PLCB1: variants seen among roughly 807,000 people sequenced by gnomAD.
PLCB1 encodes phospholipase C beta 1, also known as 1-phosphatidylinositol 4,5-bisphosphate phosphodiesterase beta-1.
In PLCB1, 46 loss-of-function variants were observed where a neutral mutation model predicts 161.8. The ratio of observed to expected loss-of-function variants is 0.28; its 90% CI spans 0.22 to 0.36. PLCB1 has a LOEUF of 0.36. PLCB1 is among the 10% of genes least tolerant of loss of function. The probability of loss-of-function intolerance (pLI) is 1.00; values close to 1 mark genes in which losing one functional copy is unlikely to be tolerated. For synonymous variants in PLCB1, 517 were observed against 503.7 expected (o/e 1.03, Z -0.35); for missense variants, 1,016 against 1,472.5 (o/e 0.69, Z 5.07).
chr20:8,446,337 G>A (rs1980825009), intron 3 of PLCB1, among the ~76,000 whole-genome samples: 1 of 152,104 alleles, frequency 6.6e-6, no homozygotes, highest in South Asian at 2.1e-4. Context: ...ATGCAGAAAA[G>A]CCCTTTGACA....
At chr20:8,761,983 G>GGGA (rs915541542) in intron 25 of PLCB1, among the ~76,000 whole-genome samples, 2 of 151,598 alleles carry the variant, frequency 1.3e-5, no homozygotes, top group Non-Finnish European at 2.9e-5. Flanking sequence ...CCAAGGGGGG[G>GGGA]GCGGATCACC....
At chr20:8,543,433 G>T (rs1460043301) in intron 3 of PLCB1, among the ~76,000 whole-genome samples, 1 of 152,054 alleles carries the variant, frequency 6.6e-6, no homozygotes, top group East Asian at 1.9e-4. Context: ...GTAGAAAACA[G>T]ATCAGTGGCG....
rs145869401 is a variant in PLCB1, at chr20:8,717,826, C to T, written c.1491C>T (p.Phe497=). 324 of 1,608,882 alleles carry T rather than the reference C, an allele frequency of 2.0e-4. No individual in the cohort carries two copies. In the African/African-American group the frequency reaches 3.6e-3, roughly 18 times the overall value. ...CCTACAGTGACTCCTCCAGCATGTT[C>T]GAGCCCTCATCCCCAGGAGCCGGTG... ...SNTYSDSSSM[F]EPSSPGAGEA... Residue 497 remains phenylalanine (F), a synonymous_variant, in exon 14 of 32, where the codon TTC becomes TTT. Transcript: ENST00000338037.
At chr20:8,187,826 T>A (rs1010658654) in intron 2 of PLCB1, among the ~76,000 whole-genome samples, 1 of 152,114 alleles carries the variant, frequency 6.6e-6, no homozygotes, top group African/African-American at 2.4e-5. Context: ...TATGAGTGCA[T>A]AGGACCACTA....
intron 3 of PLCB1, among the ~76,000 whole-genome samples, chr20:8,468,262 A>C (rs933052742): frequency 3.9e-5 from 6 of 152,158 alleles, no homozygotes; most frequent in Non-Finnish European, 8.8e-5. Flanking sequence ...ACATATATAA[A>C]TATTCATAAA....
chr20:8,510,430 G>T (rs150528619), intron 3 of PLCB1, among the ~76,000 whole-genome samples: 1 of 138,982 alleles, frequency 7.2e-6, no homozygotes, highest in African/African-American at 2.7e-5. Context: ...TTGTTGCCCA[G>T]ACTGGAGTGC....
At chr20:8,393,621 C>T (rs954185191) in intron 3 of PLCB1, among the ~76,000 whole-genome samples, 8 of 152,150 alleles carry the variant, frequency 5.3e-5, no homozygotes, top group African/African-American at 1.9e-4. Flanking sequence ...CACCACTGCA[C>T]TCCGGCCTGG....
chr20:8,750,962 G>A, intron 23 of PLCB1: 1 of 719,404 alleles, frequency 1.4e-6, no homozygotes, highest in Non-Finnish European at 2.0e-6. Flanking sequence ...TTGAGACGGA[G>A]TCTTGCTCAG....
intron 24 of PLCB1, among the ~76,000 whole-genome samples, chr20:8,759,895 C>CTT (rs1981928257): frequency 3.8e-4 from 17 of 44,506 alleles, no homozygotes; most frequent in South Asian, 1.4e-3. Flanking sequence ...TATAATATCA[C>CTT]ATTTTTTTTT....
At chr20:8,246,445 A>G (rs990983545) in intron 2 of PLCB1, among the ~76,000 whole-genome samples, 4 of 152,070 alleles carry the variant, frequency 2.6e-5, no homozygotes, top group African/African-American at 7.2e-5. Flanking sequence ...TCAAGAGAGA[A>G]TGTAGAAACA....
At chr20:8,529,980 G>A (rs6086485) in intron 3 of PLCB1, among the ~76,000 whole-genome samples, 1 of 152,106 alleles carries the variant, frequency 6.6e-6, no homozygotes, top group Non-Finnish European at 1.5e-5. Flanking sequence ...CTTCCCATCA[G>A]GAGTGGAGGA....
At chr20:8,482,245 A>G (rs1248832426) in intron 3 of PLCB1, among the ~76,000 whole-genome samples, 1 of 151,830 alleles carries the variant, frequency 6.6e-6, no homozygotes, top group East Asian at 1.9e-4. Flanking sequence ...CTGAGATTAC[A>G]GGCACATACC....
At chr20:8,664,093 A>G (rs1989752379) in intron 9 of PLCB1, among the ~76,000 whole-genome samples, 1 of 152,118 alleles carries the variant, frequency 6.6e-6, no homozygotes, top group Admixed American at 6.6e-5. Context: ...TCATGCTTTT[A>G]TTCTGTGGAG....
At chr20:8,417,409 T>G (rs1391843734) in intron 3 of PLCB1, among the ~76,000 whole-genome samples, 1 of 151,788 alleles carries the variant, frequency 6.6e-6, no homozygotes, top group East Asian at 1.9e-4. Context: ...AAATCAAATT[T>G]GATCTTAGCA....
intron 5 of PLCB1, 144 bp from the exon 6 acceptor site, chr20:8,647,756 G>C: frequency 1.5e-6 from 1 of 647,240 alleles, no homozygotes; most frequent in Non-Finnish European, 2.7e-6. Context: ...TCTTAATCTG[G>C]GTGCCAACTG....
chr20:8,594,688 A>C (rs1987268738), intron 3 of PLCB1, among the ~76,000 whole-genome samples: 1 of 148,010 alleles, frequency 6.8e-6, no homozygotes, highest in South Asian at 2.1e-4. Context: ...GAGGAAACCA[A>C]AAAAAAAAAA....
At chr20:8,759,002 T>C (rs188670288) in intron 24 of PLCB1, among the ~76,000 whole-genome samples, 49 of 152,348 alleles carry the variant, frequency 3.2e-4, no homozygotes, top group Admixed American at 7.2e-4. Flanking sequence ...TAATGTCCTT[T>C]TACTGTTCAA....
At chr20:8,423,203 A>G (rs1979612970) in intron 3 of PLCB1, among the ~76,000 whole-genome samples, 1 of 152,156 alleles carries the variant, frequency 6.6e-6, no homozygotes, top group Non-Finnish European at 1.5e-5. Flanking sequence ...CATAAGCCCC[A>G]AGACATAAGG....
intron 10 of PLCB1, among the ~76,000 whole-genome samples, chr20:8,687,851 A>G (rs1397775965): frequency 6.6e-6 from 1 of 152,216 alleles, no homozygotes; most frequent in East Asian, 1.9e-4. Context: ...GTAGATACCC[A>G]TTAGTGGGAC....
Sources: gnomAD v4.1 joint callset for allele counts (sites outside exome capture counted in the v4.1 genomes callset) on GRCh38, gnomAD v4.1.1 for gene constraint, MANE v1.5 for transcripts, NCBI Gene and HGNC (gene_info 2026-07-23, HGNC 2026-07-21) for gene names.